SLC2A13: variants seen among roughly 807,000 people sequenced by gnomAD.
SLC2A13 encodes the protein proton myo-inositol cotransporter.
Under a neutral mutation model 64.4 loss-of-function variants are expected in SLC2A13, and 32 were observed. That is an observed-to-expected ratio of 0.50 (90% CI 0.37 to 0.67). The LOEUF (loss-of-function observed/expected upper bound fraction) is 0.67, where lower values mean the gene tolerates loss of function less well. Among genes scored for constraint, SLC2A13 ranks in the 30% least tolerant of loss-of-function variants. SLC2A13 has a pLI of 0.00. For synonymous variants in SLC2A13, 338 were observed against 327.1 expected, an observed-to-expected ratio of 1.03 and a Z score of -0.36; for missense variants, 743 against 829.2, an observed-to-expected ratio of 0.90 and a Z score of 1.28.
intron 4 of SLC2A13, among the ~76,000 whole-genome samples, chr12:39,899,118 T>C (rs1425491643): frequency 6.6e-6 from 1 of 152,126 alleles, no homozygotes; most frequent in African/African-American, 2.4e-5. Flanking sequence ...TCCTGGACTC[T>C]TTTTGGTTGG....
chr12:39,905,167 G>GA (rs1186529023), intron 4 of SLC2A13, among the ~76,000 whole-genome samples: 2 of 152,072 alleles, frequency 1.3e-5, no homozygotes, highest in Non-Finnish European at 2.9e-5. Context: ...GAACAACTAA[G>GA]AAAAATGCTT....
At chr12:40,019,896 G>A (rs2242367) in intron 3 of SLC2A13, among the ~76,000 whole-genome samples, 34,878 of 152,008 alleles carry the variant, frequency 0.23, 4,413 homozygotes, top group Middle Eastern at 0.36. Context: ...TCTCCTCACT[G>A]TATCCTGCCA....
At position 39,887,509 on chromosome 12, in the gene SLC2A13, A is replaced by AT. The variant is rs1175915444; in HGVS notation, c.1035-15549dup. ...TCACAACAGGGATAGAAAAAAGGGG[A>AT]TAAAAAAGGGAAGTAGAGGCCCTCA... On this transcript the variant is annotated intron_variant, in intron 4 of 9. Transcript: ENST00000280871. Among the ~76,000 whole-genome samples the AT allele has an allele frequency of 3.9e-5, 6 of 152,316 alleles. No homozygotes were observed. In the East Asian group the frequency reaches 1.2e-3, roughly 29 times the overall value.
At chr12:39,771,511 CA>C (rs1214691835) in intron 7 of SLC2A13, among the ~76,000 whole-genome samples, 2 of 152,080 alleles carry the variant, frequency 1.3e-5, no homozygotes, top group Admixed American at 1.3e-4. Context: ...ATTCTGCTAA[CA>C]AAAATGAATC....
At chr12:39,837,397 A>G (rs549124856) in intron 6 of SLC2A13, among the ~76,000 whole-genome samples, 4,342 of 134,166 alleles carry the variant, frequency 0.032, 183 homozygotes, top group African/African-American at 0.12. Context: ...CTAGAAGAAA[A>G]CCTAGGCATT....
At chr12:39,889,071 T>G (rs1944537562) in intron 4 of SLC2A13, among the ~76,000 whole-genome samples, 1 of 152,116 alleles carries the variant, frequency 6.6e-6, no homozygotes, top group African/African-American at 2.4e-5. Flanking sequence ...TAGATATATT[T>G]ACAAACATAA....
chr12:40,080,959 A>T (rs975756495), intron 1 of SLC2A13, among the ~76,000 whole-genome samples: 1 of 152,004 alleles, frequency 6.6e-6, no homozygotes, highest in African/African-American at 2.4e-5. Context: ...TTGTTTATGA[A>T]GTTTAGTTTG....
chr12:39,866,941 T>TA (rs1240264548), intron 5 of SLC2A13, among the ~76,000 whole-genome samples: 1 of 152,146 alleles, frequency 6.6e-6, no homozygotes, highest in Middle Eastern at 3.2e-3. Context: ...ACCAGGCCAA[T>TA]AATGCGATAA....
At chr12:39,943,068 G>A (rs1435477712) in intron 4 of SLC2A13, among the ~76,000 whole-genome samples, 1 of 152,180 alleles carries the variant, frequency 6.6e-6, no homozygotes, top group African/African-American at 2.4e-5. Flanking sequence ...CCATCTGCCT[G>A]TATCACCAGC....
intron 7 of SLC2A13, among the ~76,000 whole-genome samples, chr12:39,812,363 TTTTCTTTTCTTTTCTTTTC>T (rs1262763830): frequency 2.1e-5 from 3 of 145,634 alleles, no homozygotes; most frequent in South Asian, 2.2e-4. Context: ...TTTTCTTTTC[TTTTCTTTTCTTTTCTTTTC>T]TTTCTTTCTC....
At chr12:39,837,859 G>A (rs1943061394) in intron 6 of SLC2A13, among the ~76,000 whole-genome samples, 1 of 151,654 alleles carries the variant, frequency 6.6e-6, no homozygotes, top group Admixed American at 6.6e-5. Context: ...TGGAGAGGAT[G>A]TGGAGAAATA....
chr12:39,796,571 C>T (rs1941582886), intron 7 of SLC2A13, among the ~76,000 whole-genome samples: 2 of 151,930 alleles, frequency 1.3e-5, no homozygotes, highest in Admixed American at 6.6e-5. Flanking sequence ...GGCACAAGGT[C>T]CTAGTGATAG....
chr12:39,889,178 C>A (rs1944540106), intron 4 of SLC2A13, among the ~76,000 whole-genome samples: 1 of 152,058 alleles, frequency 6.6e-6, no homozygotes, highest in African/African-American at 2.4e-5. Flanking sequence ...CTTATTAGAT[C>A]TTTCTGCAGA....
intron 3 of SLC2A13, among the ~76,000 whole-genome samples, chr12:40,019,265 A>G (rs1947673263): frequency 6.6e-6 from 1 of 152,146 alleles, no homozygotes; most frequent in African/African-American, 2.4e-5. Flanking sequence ...CACATTTTTT[A>G]TAGTTGTTTG....
intron 1 of SLC2A13, among the ~76,000 whole-genome samples, chr12:40,096,594 T>C (rs1204960112): frequency 6.6e-6 from 1 of 152,012 alleles, no homozygotes; most frequent in Non-Finnish European, 1.5e-5. Flanking sequence ...AAATTCATAT[T>C]CCTATTTCCT....
intron 3 of SLC2A13, among the ~76,000 whole-genome samples, chr12:40,022,315 C>T (rs1363031264): frequency 6.6e-6 from 1 of 152,216 alleles, no homozygotes; most frequent in Non-Finnish European, 1.5e-5. Context: ...ACATATCACA[C>T]AGGTAACCTA....
chr12:39,809,574 T>C (rs1308624913), intron 7 of SLC2A13, among the ~76,000 whole-genome samples: 2 of 152,208 alleles, frequency 1.3e-5, no homozygotes, highest in African/African-American at 2.4e-5. Flanking sequence ...GTTACATATG[T>C]ACACATGTGC....
At chr12:39,817,758 G>T (rs535695417) in intron 7 of SLC2A13, among the ~76,000 whole-genome samples, 1 of 152,202 alleles carries the variant, frequency 6.6e-6, no homozygotes, top group East Asian at 1.9e-4. Context: ...AAATCTATGA[G>T]AAAAACTCAA....
At chr12:40,001,549 A>G (rs1947321713) in intron 3 of SLC2A13, among the ~76,000 whole-genome samples, 1 of 152,238 alleles carries the variant, frequency 6.6e-6, no homozygotes, top group South Asian at 2.1e-4. Context: ...AGATAAAGAA[A>G]ATGAAACTTG....
Sources: gnomAD v4.1 joint callset for allele counts (sites outside exome capture counted in the v4.1 genomes callset) on GRCh38, gnomAD v4.1.1 for gene constraint, MANE v1.5 for transcripts, NCBI Gene and HGNC (gene_info 2026-07-23, HGNC 2026-07-21) for gene names.